NAV3: variants seen among roughly 807,000 people sequenced by gnomAD.
NAV3 encodes the protein pore membrane and/or filament interacting like protein 1.
A neutral mutation model predicts 244.7 loss-of-function variants in NAV3; 87 were observed. That is an observed-to-expected ratio of 0.36 (90% CI 0.30 to 0.42). The LOEUF (loss-of-function observed/expected upper bound fraction) is 0.42. NAV3 is among the 20% of genes least tolerant of loss of function. The pLI, the probability that NAV3 is intolerant of heterozygous loss-of-function variation, is 1.00. For missense variants in NAV3, 2,663 were observed against 2,893.3 expected (o/e 0.92, Z 1.83); for synonymous variants, 1,126 against 1,042.2 (o/e 1.08, Z -1.55).
chr12:77,778,199 T>C (rs7953713), intron 2 of NAV3, among the ~76,000 whole-genome samples: 2 of 127,274 alleles, frequency 1.6e-5, no homozygotes, highest in African/African-American at 6.1e-5. Context: ...TCCTCTCCCC[T>C]CCTCTCCCCT....
At chr12:77,871,623 T>G (rs1468130039) in intron 1 of NAV3, among the ~76,000 whole-genome samples, 1 of 152,194 alleles carries the variant, frequency 6.6e-6, no homozygotes, top group African/African-American at 2.4e-5. Context: ...GAACTCATCC[T>G]TTTTTATGGC....
At chr12:78,077,014 T>C (rs2137746098) in intron 12 of NAV3, among the ~76,000 whole-genome samples, 1 of 152,298 alleles carries the variant, frequency 6.6e-6, no homozygotes. Flanking sequence ...TCTCTGAGTT[T>C]AGAAAATGTG....
At chr12:77,652,350 T>C (rs1872862498) in intron 2 of NAV3, among the ~76,000 whole-genome samples, 1 of 152,200 alleles carries the variant, frequency 6.6e-6, no homozygotes, top group South Asian at 2.1e-4. Context: ...TCAAAGTCCA[T>C]AGAGCCTACT....
chr12:77,807,735 T>C (rs2135989779), intron 2 of NAV3, among the ~76,000 whole-genome samples: 1 of 152,354 alleles, frequency 6.6e-6, no homozygotes, highest in East Asian at 1.9e-4. Context: ...TCTTGCTAGG[T>C]TGGGGAAGTT....
At chr12:77,574,443 G>A (rs1356895586) in intron 2 of NAV3, among the ~76,000 whole-genome samples, 2 of 152,088 alleles carry the variant, frequency 1.3e-5, no homozygotes, top group Non-Finnish European at 2.9e-5. Context: ...TGAAGTGCTG[G>A]CCATGGCCCT....
chr12:77,965,818 A>G (rs1302953140), intron 3 of NAV3, among the ~76,000 whole-genome samples: 3 of 152,172 alleles, frequency 2.0e-5, no homozygotes, highest in Non-Finnish European at 4.4e-5. Flanking sequence ...CCATCTATCT[A>G]TCTTTTGACG....
At chr12:77,926,901 C>G (rs1888279884) in intron 1 of NAV3, among the ~76,000 whole-genome samples, 1 of 152,196 alleles carries the variant, frequency 6.6e-6, no homozygotes, top group Non-Finnish European at 1.5e-5. Flanking sequence ...AGGTCAGAAG[C>G]CTGGAAACTC....
rs201874961 is a variant in NAV3 at position 77,926,483 on chromosome 12, G to C, written c.244-13836G>C. Among the ~76,000 whole-genome samples the C allele has an allele frequency of 9.2e-5, 14 of 152,074 alleles. No homozygotes were observed. In the East Asian group the frequency reaches 9.7e-4, roughly 11 times the overall value. ...AGATAGATAGATACATACATACATAGATAGATACATAGATAGATATAGATA... is the reference window on the plus strand; with the variant it reads ...AGATAGATAGATACATACATACATACATAGATACATAGATAGATATAGATA... On this transcript the variant is annotated intron_variant, in intron 1 of 39. Transcript: ENST00000397909.
At chr12:77,809,043 G>A (rs11106774) in intron 2 of NAV3, among the ~76,000 whole-genome samples, 62 of 152,252 alleles carry the variant, frequency 4.1e-4, no homozygotes, top group Non-Finnish European at 5.0e-4. Context: ...AAGCATCGCA[G>A]GTCGACTTCA....
At chr12:77,636,193 C>G (rs529895855) in intron 2 of NAV3, among the ~76,000 whole-genome samples, 1 of 152,048 alleles carries the variant, frequency 6.6e-6, no homozygotes, top group East Asian at 1.9e-4. Flanking sequence ...AGGCCAGGCA[C>G]GGTGGCTCAT....
At chr12:78,073,844 T>C (rs1952909911) in intron 12 of NAV3, among the ~76,000 whole-genome samples, 1 of 152,012 alleles carries the variant, frequency 6.6e-6, no homozygotes, top group Non-Finnish European at 1.5e-5. Context: ...AAAACAGAGA[T>C]ATAGATCAAT....
At chr12:78,128,087 T>C (rs1955998286) in intron 17 of NAV3, among the ~76,000 whole-genome samples, 2 of 152,054 alleles carry the variant, frequency 1.3e-5, no homozygotes, top group Non-Finnish European at 2.9e-5. Flanking sequence ...AAACTAGGTC[T>C]TTCTCCATTA....
rs201823152 is a variant in NAV3, at chr12:78,122,136, T to A, written c.3946T>A (p.Ser1316Thr). 1 of 1,614,078 alleles carries A rather than the reference T, an allele frequency of 6.2e-7. No individual in the cohort carries two copies. Among genetic ancestry groups the A allele is most frequent in the African/African-American group, 1.3e-5 (1 of 75,014 alleles). ...GSSSPLFNKP[S>T]DLTTDVISLS... ...CAGCAGCCCTCTCTTCAATAAACCCTCAGACTTAACTACAGATGTTATAAG... is the reference window on the plus strand; with the variant it reads ...CAGCAGCCCTCTCTTCAATAAACCCACAGACTTAACTACAGATGTTATAAG... The change falls in exon 16 of 40, where the codon TCA becomes ACA. Residue 1316 changes from serine (S) to threonine (T), a missense_variant. Around this residue, in one of 6 missense-constraint regions of NAV3, gnomAD observed 354 missense variants for 413.0 expected, o/e 0.86. Transcript: ENST00000397909.
intron 2 of NAV3, among the ~76,000 whole-genome samples, chr12:77,665,556 A>G (rs904462589): frequency 6.6e-6 from 1 of 152,210 alleles, no homozygotes; most frequent in South Asian, 2.1e-4. Flanking sequence ...AACTTCCCGT[A>G]TCTTGGGAAG....
At chr12:78,104,304 A>G (rs1162986654) in intron 12 of NAV3, among the ~76,000 whole-genome samples, 1 of 152,238 alleles carries the variant, frequency 6.6e-6, no homozygotes, top group African/African-American at 2.4e-5. Context: ...TATTACATCA[A>G]AAAAGAGGCG....
At chr12:77,766,897 G>T (rs1235020905) in intron 2 of NAV3, among the ~76,000 whole-genome samples, 2 of 151,488 alleles carry the variant, frequency 1.3e-5, no homozygotes. Context: ...TGGGATTACG[G>T]GCACCCACCA....
chr12:77,784,577 T>C (rs1870819416), intron 2 of NAV3, among the ~76,000 whole-genome samples: 1 of 152,142 alleles, frequency 6.6e-6, no homozygotes, highest in East Asian at 1.9e-4. Context: ...TTCACTGGCT[T>C]GGACAGAGAA....
At chr12:78,081,753 A>C (rs1593505806) in intron 12 of NAV3, among the ~76,000 whole-genome samples, 1 of 152,290 alleles carries the variant, frequency 6.6e-6, no homozygotes, top group Admixed American at 6.5e-5. Flanking sequence ...CCTGGAGTTA[A>C]GGCTCCTCAG....
At chr12:78,092,491 CTTTTTTTTTTTTTTTTTTT>C (rs71088358) in intron 12 of NAV3, among the ~76,000 whole-genome samples, 1 of 64,008 alleles carries the variant, frequency 1.6e-5, no homozygotes, top group Non-Finnish European at 3.1e-5. Context: ...TAGTTATTTT[CTTTTTTTTTTTTTTTTTTT>C]TTTTTTTGAG....
Sources: gnomAD v4.1 joint callset for allele counts (sites outside exome capture counted in the v4.1 genomes callset) on GRCh38, gnomAD v4.1.1 for gene constraint, gnomAD v4.1.1 regional missense constraint, MANE v1.5 for transcripts, NCBI Gene and HGNC (gene_info 2026-07-23, HGNC 2026-07-21) for gene names.